CNTN2: variants seen among roughly 807,000 people sequenced by gnomAD.
The protein encoded by CNTN2 is contactin-2.
In CNTN2, 53 loss-of-function variants were observed where a neutral mutation model predicts 117.5. The ratio of observed to expected loss-of-function variants is 0.45; its 90% confidence interval spans 0.36 to 0.57. The LOEUF (loss-of-function observed/expected upper bound fraction) is 0.57. Among genes scored for constraint, CNTN2 ranks in the 20% least tolerant of loss-of-function variants. The probability of loss-of-function intolerance (pLI) is 0.00; values close to 1 mark genes in which losing one functional copy is unlikely to be tolerated. For synonymous variants in CNTN2, 530 were observed against 561.7 expected (o/e 0.94, Z 0.80); for missense variants, 1,106 against 1,404.3 (o/e 0.79, Z 3.39).
intron 1 of CNTN2, among the ~76,000 whole-genome samples, chr1:205,052,303 G>A (rs1485095589): frequency 1.3e-5 from 2 of 152,102 alleles, no homozygotes; most frequent in Admixed American, 6.5e-5. Flanking sequence ...CTCTGCCCCC[G>A]CCCTCACCTC....
intron 12 of CNTN2, 83 bp downstream of exon 12, chr1:205,064,833 T>A: frequency 6.4e-7 from 1 of 1,561,140 alleles, no homozygotes; most frequent in Non-Finnish European, 8.7e-7. Flanking sequence ...TGTGTCCACA[T>A]TGCTCCTAGT....
rs1654787519 is a variant in CNTN2, at chr1:205,074,974, C to A, written c.*1209C>A. 5.0e-6 allele frequency: 2 copies of A among 398,436 alleles called. No homozygotes were observed. The highest frequency in any genetic ancestry group is 1.3e-4 in the South Asian group (1 of 7,678). The allele number at this position is 398,436 out of a possible 1,614,324, so 24.7% of individuals were successfully genotyped here. A position where few individuals can be genotyped will look rare whatever the true frequency, so the allele number is the denominator to read the frequency against. Reference sequence around the variant, plus strand: ...CTTTCCTGAGCTCTGGGTATACTACCAGTCACAGAACGTCAGAGCTGGAAG... The same window carrying A: ...CTTTCCTGAGCTCTGGGTATACTACAAGTCACAGAACGTCAGAGCTGGAAG... On this transcript the variant is annotated 3_prime_UTR_variant, in exon 23 of 23. Transcript: ENST00000331830.
Position 205,065,057 on chromosome 1 carries a change from T to C in CNTN2, c.1520-30T>C, listed in dbSNP as rs765772022. 1 of 1,610,696 alleles carries C rather than the reference T, an allele frequency of 6.2e-7. No individual in the cohort carries two copies. On this transcript the variant is annotated intron_variant, in intron 12 of 22. Coordinates refer to ENST00000331830, the MANE Select transcript of CNTN2 (RefSeq NM_005076.5). The surrounding 1 kb of genome is among the most constrained non-coding windows in gnomAD (Gnocchi z 4.1). ...CGGCCTGGGCCCATTTCCTCCCCCA[T>C]CCACCCAAGGGCCTTGTTTTTCTTG...
chr1:205,071,175 G>C (rs1173726095), intron 19 of CNTN2, among the ~76,000 whole-genome samples: 1 of 152,168 alleles, frequency 6.6e-6, no homozygotes, highest in Non-Finnish European at 1.5e-5. Flanking sequence ...AGGCTGGCCT[G>C]TCCAGGGCTG....
At position 205,058,519 on chromosome 1, in the gene CNTN2, G is replaced by T; in HGVS notation, c.392-49G>T. 1.3e-6 allele frequency: 2 copies of T among 1,594,748 alleles called. No homozygotes were observed. The highest frequency in any genetic ancestry group is 8.6e-7 in the Non-Finnish European group (1 of 1,164,352). ...TCCGTGAAGGATGAGTCGGGGAGGG[G>T]CTCGCAGGCCAGGAGGACAGTGCCT... On this transcript the variant is annotated intron_variant, in intron 4 of 22. Transcript: ENST00000331830. The surrounding 1 kb of genome is among the most constrained non-coding windows in gnomAD (Gnocchi z 4.3).
At chr1:205,046,575 T>C (rs958446439) in intron 1 of CNTN2, among the ~76,000 whole-genome samples, 1 of 152,112 alleles carries the variant, frequency 6.6e-6, no homozygotes, top group Admixed American at 6.5e-5. Context: ...GAGGAGCAGG[T>C]TGGACCTCAC....
In CNTN2 at chr1:205,061,309, G is replaced by A. The variant is rs760227950; in HGVS notation, c.862G>A (p.Glu288Lys). The A allele has an allele frequency of 3.7e-6, 6 of 1,614,144 alleles. No individual in the cohort carries two copies. Among genetic ancestry groups the A allele is most frequent in the Admixed American group, 3.3e-5 (2 of 60,010 alleles). Residue 288 changes from glutamate to lysine, a missense_variant, in exon 8 of 23, where the codon GAG (glutamate) becomes AAG (lysine). Coordinates refer to ENST00000331830, the MANE Select transcript of CNTN2 (RefSeq NM_005076.5). The surrounding 1 kb of genome is among the most constrained non-coding windows in gnomAD (Gnocchi z 4.8). ...GSLSPQWTTA[E>K]PTLQIPSVSF... ...CCTGTCCCCGCAGTGGACCACAGCT[G>A]AGCCCACCCTGCAGATCCCCAGCGT...
intron 1 of CNTN2, among the ~76,000 whole-genome samples, chr1:205,045,678 G>A (rs1186829291): frequency 6.6e-6 from 1 of 152,198 alleles, no homozygotes. Context: ...GGCAGAACCA[G>A]GGGGTTGGAG....
Position 205,074,622 on chromosome 1 carries a change from A to AC in CNTN2, c.*860dup, listed in dbSNP as rs1654770102. 2 of 398,598 alleles carry AC rather than the reference A, an allele frequency of 5.0e-6. No individual in the cohort carries two copies. The highest frequency in any genetic ancestry group is 4.1e-5 in the African/African-American group (2 of 48,594). 24.7% of individuals were successfully genotyped at this position (398,598 alleles called of 1,614,324 possible). On this transcript the variant is annotated 3_prime_UTR_variant, in exon 23 of 23. Transcript: ENST00000331830. ...TGGTGGGGTCTCCCACCCCTCCAAGACCCATTCTGCACAGTCCCTCCAGGG... is the reference window on the plus strand; with the variant it reads ...TGGTGGGGTCTCCCACCCCTCCAAGACCCCATTCTGCACAGTCCCTCCAGGG...
rs1384499327 is a variant in CNTN2 at position 205,065,865 on chromosome 1, C to T, written c.1772C>T (p.Thr591Met). The change falls in exon 14 of 23, where the codon ACG becomes ATG. Residue 591 changes from threonine to methionine, a missense_variant. Thr to Met is a moderately conservative substitution (Grantham distance 81). Coordinates refer to ENST00000331830, the MANE Select transcript of CNTN2 (RefSeq NM_005076.5). This position sits in a 1 kb window ranked among gnomAD's most constrained non-coding sequence, Gnocchi z 4.1. ...HGGKYTCMAQTVVDSASKEAT... is the reference protein window; with the variant it reads ...HGGKYTCMAQMVVDSASKEAT... ...GGGAAGTACACGTGCATGGCCCAGACGGTGGTGGACAGCGCGTCCAAGGAG... is the reference window on the plus strand; with the variant it reads ...GGGAAGTACACGTGCATGGCCCAGATGGTGGTGGACAGCGCGTCCAAGGAG... 1.9e-6 allele frequency: 3 copies of T among 1,613,964 alleles called. No homozygotes were observed. Among genetic ancestry groups the T allele is most frequent in the Non-Finnish European group, 2.5e-6 (3 of 1,179,982 alleles).
chr1:205,061,638 T>C lies in CNTN2; in HGVS notation c.973+218T>C. ...GGGGTGCAGAAAGCACACAGGAGGC[T>C]CCAGAATGATTTAAGTTGCAAAAGC... is the stretch of plus-strand genomic sequence containing the variant. On this transcript the variant is annotated intron_variant, in intron 8 of 22. Coordinates refer to ENST00000331830, the MANE Select transcript of CNTN2 (RefSeq NM_005076.5). The surrounding 1 kb of genome is among the most constrained non-coding windows in gnomAD (Gnocchi z 4.8). 1 of 762,518 alleles carries C rather than the reference T, an allele frequency of 1.3e-6. No individual in the cohort carries two copies. Among genetic ancestry groups the C allele is most frequent in the Non-Finnish European group, 2.0e-6 (1 of 495,736 alleles). The allele number at this position is 762,518 out of a possible 1,614,324, so 47.2% of individuals were successfully genotyped here. A position where few individuals can be genotyped will look rare whatever the true frequency, so the allele number is the denominator to read the frequency against.
rs771397976 is a variant in CNTN2, at chr1:205,059,141, G to A, written c.545G>A (p.Arg182His). Reference sequence around the variant, plus strand: ...CCCAACTTCATCCCGACGGACGGGCGTCACTTCGTGTCCCAGACCACAGGG... The same window carrying A: ...CCCAACTTCATCCCGACGGACGGGCATCACTTCGTGTCCCAGACCACAGGG... ...EFPNFIPTDG[R>H]HFVSQTTGNL... Residue 182 changes from arginine (R) to histidine (H), a missense_variant, in exon 6 of 23, where the codon CGT (arginine) becomes CAT (histidine). Arg to His is a conservative substitution (Grantham distance 29, BLOSUM62 0). Coordinates refer to ENST00000331830, the MANE Select transcript of CNTN2 (RefSeq NM_005076.5). The surrounding 1 kb of genome is among the most constrained non-coding windows in gnomAD (Gnocchi z 5.6). 1.4e-5 allele frequency: 22 copies of A among 1,614,058 alleles called. No homozygotes were observed. The highest frequency in any genetic ancestry group is 4.0e-5 in the African/African-American group (3 of 74,914).
In CNTN2 at chr1:205,061,926, T is replaced by C. The variant is rs373583007; in HGVS notation, c.1035T>C (p.Arg345=). The change falls in exon 9 of 23, where the codon CGT becomes CGC. Residue 345 remains arginine, a synonymous_variant. Coordinates refer to ENST00000331830, the MANE Select transcript of CNTN2 (RefSeq NM_005076.5). This position sits in a 1 kb window ranked among gnomAD's most constrained non-coding sequence, Gnocchi z 4.8. ...AGGCTGACATTGGCTCCAACCTGCG[T>C]TGGGGCTGTGCAGCCGCCGGCAAGC... is the stretch of plus-strand genomic sequence containing the variant. ...DTEADIGSNL[R]WGCAAAGKPR... 37 of 1,607,056 alleles carry C rather than the reference T, an allele frequency of 2.3e-5. No individual in the cohort carries two copies. The highest frequency in any genetic ancestry group is 1.1e-4 in the East Asian group (5 of 44,728).
intron 1 of CNTN2, among the ~76,000 whole-genome samples, chr1:205,049,924 A>G (rs984253277): frequency 2.6e-5 from 4 of 152,142 alleles, no homozygotes; most frequent in African/African-American, 9.7e-5. Context: ...CTAGCCTCCC[A>G]TGGTGGCCTT....
chr1:205,055,625 G>T lies in CNTN2; in HGVS notation c.71-2296G>T, dbSNP rs1375242220. Among the ~76,000 whole-genome samples, 65 of 152,158 alleles carry T rather than the reference G, an allele frequency of 4.3e-4. 1 individual carries two copies. The highest frequency in any genetic ancestry group is 5.9e-5 in the Non-Finnish European group (4 of 68,022). On this transcript the variant is annotated intron_variant, in intron 2 of 22. Transcript: ENST00000331830. ...CTCCTTATCTGTGAGATGGAGCAGG[G>T]CCTCTGGTGGTTCTGATGGGAAACA...
chr1:205,062,291 C>T, intron 9 of CNTN2, 149 bp from the exon 10 acceptor site: 1 of 1,165,472 alleles, frequency 8.6e-7, no homozygotes. Context: ...CCTGAGGTTC[C>T]AGGCAGCCCT....
In CNTN2 at chr1:205,062,461, G is replaced by A. The variant is rs1654041555; in HGVS notation, c.1132G>A (p.Gly378Arg). The A allele has an allele frequency of 1.2e-6, 2 of 1,613,744 alleles. No individual in the cohort carries two copies. Among genetic ancestry groups the A allele is most frequent in the Non-Finnish European group, 1.7e-6 (2 of 1,179,860 alleles). ...ACAGAACCGGGTGGAGGTGTTGGCTGGGGACCTGCGGTTCTCCAAGCTGAG... is the reference window on the plus strand; with the variant it reads ...ACAGAACCGGGTGGAGGTGTTGGCTAGGGACCTGCGGTTCTCCAAGCTGAG... Reference protein sequence around the residue: ...ASQNRVEVLAGDLRFSKLSLE... With the variant: ...ASQNRVEVLARDLRFSKLSLE... The change falls in exon 10 of 23, where the codon GGG becomes AGG. Residue 378 changes from glycine (G) to arginine (R), a missense_variant. Gly to Arg is a moderately radical substitution (Grantham distance 125). Coordinates refer to ENST00000331830, the MANE Select transcript of CNTN2 (RefSeq NM_005076.5).
intron 1 of CNTN2, among the ~76,000 whole-genome samples, chr1:205,051,561 G>A (rs532631566): frequency 5.3e-5 from 8 of 152,232 alleles, no homozygotes; most frequent in African/African-American, 9.6e-5. Context: ...CCTGTCAATC[G>A]GAAGTGGATA....
At chr1:205,060,510 C>A (rs1057317719) in intron 7 of CNTN2, 3 of 151,740 alleles carry the variant, frequency 2.0e-5, no homozygotes. Context: ...GTCAGGAGAT[C>A]GAGACCATCC....
Sources: allele counts gnomAD v4.1 joint callset (sites outside exome capture counted in the v4.1 genomes callset), GRCh38; gene constraint gnomAD v4.1.1; non-coding constraint Gnocchi (gnomAD v3.1); transcripts MANE v1.5; gene names NCBI Gene and HGNC (gene_info 2026-07-23, HGNC 2026-07-21).